The following ARFGEF3 variants were observed in gnomAD, a reference collection of about 807,000 sequenced individuals.
ARFGEF3 encodes ARFGEF family member 3.
Under a neutral mutation model 221.7 loss-of-function variants are expected in ARFGEF3, and 96 were observed. The ratio of observed to expected loss-of-function variants is 0.43; its 90% CI spans 0.37 to 0.51. The LOEUF (loss-of-function observed/expected upper bound fraction) is 0.51, where lower values mean the gene tolerates loss of function less well. Among genes scored for constraint, ARFGEF3 ranks in the 20% least tolerant of loss-of-function variants. The pLI is 0.00. For synonymous variants in ARFGEF3, 1,145 were observed against 1,126.8 expected (o/e 1.02, Z -0.32); for missense variants, 2,410 against 2,789.9 (o/e 0.86, Z 3.07).
intron 2 of ARFGEF3, among the ~76,000 whole-genome samples, chr6:138,201,045 C>G (rs1317177622): frequency 2.0e-5 from 3 of 152,102 alleles, no homozygotes; most frequent in Non-Finnish European, 4.4e-5. Flanking sequence ...AGAAGACATA[C>G]AAATGGCCGA....
At chr6:138,316,108 G>A (rs912020122) in intron 26 of ARFGEF3, among the ~76,000 whole-genome samples, 4 of 152,080 alleles carry the variant, frequency 2.6e-5, no homozygotes, top group Admixed American at 1.3e-4. Context: ...ATGTAACGTC[G>A]AGCATTCTCT....
At chr6:138,301,277 G>A (rs548964936) in intron 22 of ARFGEF3, among the ~76,000 whole-genome samples, 21 of 152,326 alleles carry the variant, frequency 1.4e-4, no homozygotes, top group African/African-American at 4.8e-4. Flanking sequence ...AAATTGAGTA[G>A]CATTTATTCT....
chr6:138,170,055 T>C (rs1776797030), intron 1 of ARFGEF3, among the ~76,000 whole-genome samples: 1 of 152,182 alleles, frequency 6.6e-6, no homozygotes, highest in Non-Finnish European at 1.5e-5. Flanking sequence ...AGCTTTTCAT[T>C]ATCTCTAAAA....
chr6:138,183,495 G>A (rs1777121040), intron 2 of ARFGEF3, among the ~76,000 whole-genome samples: 1 of 152,104 alleles, frequency 6.6e-6, no homozygotes, highest in African/African-American at 2.4e-5. Context: ...GTCTGTATCG[G>A]AGGGGTCTGG....
chr6:138,273,521 C>T (rs184917098), intron 12 of ARFGEF3, among the ~76,000 whole-genome samples: 3 of 152,282 alleles, frequency 2.0e-5, no homozygotes, highest in East Asian at 1.9e-4. Flanking sequence ...TTGGATAGCA[C>T]GTCAGTGAGG....
At chr6:138,294,178 C>CCAG in intron 20 of ARFGEF3, 52 bp downstream of exon 20, 6 of 1,584,318 alleles carry the variant, frequency 3.8e-6, no homozygotes, top group Non-Finnish European at 5.2e-6. Context: ...AGGAAACAGC[C>CCAG]CAGGCCTCTA....
At chr6:138,239,652 G>GAA (rs1210032134) in intron 6 of ARFGEF3, among the ~76,000 whole-genome samples, 16 of 78,814 alleles carry the variant, frequency 2.0e-4, no homozygotes, top group Non-Finnish European at 3.0e-4. Flanking sequence ...TCTGTCTCAG[G>GAA]AAAAAAAAAA....
At chr6:138,319,603 C>G (rs111756810) in intron 27 of ARFGEF3, 100 bp from the exon 28 acceptor site, 1 of 797,534 alleles carries the variant, frequency 1.3e-6, no homozygotes, top group Non-Finnish European at 2.0e-6. Flanking sequence ...ACTTTCTCAG[C>G]AAATGTAGGG....
rs752188862 is a variant in ARFGEF3, at chr6:138,286,702, C to T, written c.2571C>T (p.Gly857=). Residue 857 remains glycine, a splice_region_variant and synonymous_variant, in exon 16 of 34, where the codon GGC becomes GGT. Transcript: ENST00000251691. ...SRRIDDSTVA[G]VAFARYILVG... is the part of the protein sequence containing the mutation. ...GACACACACCCCTCCATGTTCCAGG[C>T]GTGGCATTTGCTCGCTATATTCTGG... The T allele has an allele frequency of 4.3e-6, 7 of 1,613,826 alleles. No individual in the cohort carries two copies. The highest frequency in any genetic ancestry group is 4.5e-5 in the East Asian group (2 of 44,882).
intron 10 of ARFGEF3, among the ~76,000 whole-genome samples, chr6:138,258,606 A>C (rs980133389): frequency 2.0e-5 from 3 of 152,210 alleles, no homozygotes; most frequent in Non-Finnish European, 4.4e-5. Flanking sequence ...GTCCCATAAC[A>C]CTGATTGTTT....
intron 10 of ARFGEF3, among the ~76,000 whole-genome samples, chr6:138,261,208 T>C (rs1469083095): frequency 6.6e-6 from 1 of 152,208 alleles, no homozygotes; most frequent in Non-Finnish European, 1.5e-5. Flanking sequence ...GGTTATATTA[T>C]AGGCCAATAT....
chr6:138,188,822 A>G (rs1467188497), intron 2 of ARFGEF3, among the ~76,000 whole-genome samples: 1 of 152,216 alleles, frequency 6.6e-6, no homozygotes, highest in African/African-American at 2.4e-5. Context: ...AGGGAGGTAT[A>G]GGGTCTGTGA....
At position 138,247,648 on chromosome 6, in the gene ARFGEF3, C is replaced by T. The variant is rs111920614; in HGVS notation, c.665+2057C>T. Among the ~76,000 whole-genome samples the T allele has an allele frequency of 1.8e-3, 274 of 152,334 alleles. 2 individuals are homozygous for T. Among genetic ancestry groups the T allele is most frequent in the African/African-American group, 6.3e-3 (262 of 41,570 alleles). On this transcript the variant is annotated intron_variant, in intron 8 of 33. Coordinates refer to ENST00000251691, the MANE Select transcript of ARFGEF3 (RefSeq NM_020340.5). ...GTTGGATTACCTGGGTTAAAACCCA[C>T]GCTTTGCCCCTTACTGGCATGTGAC...
intron 6 of ARFGEF3, among the ~76,000 whole-genome samples, chr6:138,241,164 G>C (rs1394761111): frequency 6.6e-6 from 1 of 152,126 alleles, no homozygotes; most frequent in African/African-American, 2.4e-5. Flanking sequence ...CCGTAAACAA[G>C]GACATGCCTA....
intron 5 of ARFGEF3, among the ~76,000 whole-genome samples, chr6:138,236,720 C>T (rs1778295288): frequency 6.6e-6 from 1 of 152,196 alleles, no homozygotes; most frequent in Admixed American, 6.5e-5. Flanking sequence ...CCAGCCACCT[C>T]AGCCTCCCAA....
rs559252277 is a variant in ARFGEF3, at chr6:138,340,754, C to G, written c.*4268C>G. 1.3e-5 allele frequency: 2 copies of G among 152,150 alleles called. No individual in the cohort carries two copies. The highest frequency in any genetic ancestry group is 4.2e-4 in the South Asian group (2 of 4,814). 9.4% of individuals were successfully genotyped at this position (152,150 alleles called of 1,614,324 possible). ...AAAGTTGGTTGCAAAAGAGGTGTTT[C>G]TGAATTCAAGGGCCATACTCTCTCT... On this transcript the variant is annotated 3_prime_UTR_variant, in exon 34 of 34. Transcript: ENST00000251691.
At position 138,334,561 on chromosome 6, in the gene ARFGEF3, C is replaced by A; in HGVS notation, c.5715C>A (p.His1905Gln). 1.2e-6 allele frequency: 2 copies of A among 1,613,660 alleles called. No homozygotes were observed. The highest frequency in any genetic ancestry group is 1.7e-6 in the Non-Finnish European group (2 of 1,179,870). Residue 1905 changes from histidine (H) to glutamine (Q), a missense_variant, in exon 33 of 34, where the codon CAC (histidine) becomes CAA (glutamine). His to Gln is a conservative substitution (Grantham distance 24, BLOSUM62 0). Transcript: ENST00000251691. This position sits in a 1 kb window ranked among gnomAD's most constrained non-coding sequence, Gnocchi z 5.1. Reference protein sequence around the residue: ...ADWVWLVKRLHKLCMELCNNY... With the variant: ...ADWVWLVKRLQKLCMELCNNY... ...GGGTGTGGCTGGTCAAGAGGCTGCA[C>A]AAGCTGTGCATGGAACTGTGCAACA...
chr6:138,260,956 AG>A (rs1453435094), intron 10 of ARFGEF3, among the ~76,000 whole-genome samples: 2 of 152,188 alleles, frequency 1.3e-5, no homozygotes, highest in African/African-American at 2.4e-5. Flanking sequence ...AGTTGGTTCA[AG>A]AAGAAATTAA....
intron 2 of ARFGEF3, among the ~76,000 whole-genome samples, chr6:138,200,935 G>A (rs1436887642): frequency 6.6e-6 from 1 of 152,006 alleles, no homozygotes; most frequent in Non-Finnish European, 1.5e-5. Context: ...ATCTGACAAA[G>A]GACTAATATC....
Sources: allele counts gnomAD v4.1 joint callset (sites outside exome capture counted in the v4.1 genomes callset), GRCh38; gene constraint gnomAD v4.1.1; non-coding constraint Gnocchi (gnomAD v3.1); transcripts MANE v1.5; gene names NCBI Gene and HGNC (gene_info 2026-07-23, HGNC 2026-07-21).